HDAC9: variants seen among roughly 807,000 people sequenced by gnomAD.
HDAC9 encodes the protein histone deacetylase 9, also known as MEF-2 interacting transcription repressor (MITR) protein.
A neutral mutation model predicts 139.4 loss-of-function variants in HDAC9; 41 were observed. That is an observed-to-expected ratio of 0.29 (90% CI 0.23 to 0.38). The LOEUF (loss-of-function observed/expected upper bound fraction) is 0.38, where lower values mean the gene tolerates loss of function less well. Among genes scored for constraint, HDAC9 ranks in the 10% least tolerant of loss-of-function variants. The pLI, the probability that HDAC9 is intolerant of heterozygous loss-of-function variation, is 1.00. For synonymous variants in HDAC9, 517 were observed against 476.2 expected, an observed-to-expected ratio of 1.09 and a Z score of -1.12; for missense variants, 1,147 against 1,297.0, an observed-to-expected ratio of 0.88 and a Z score of 1.78.
chr7:18,229,934 A>G lies in HDAC9; in HGVS notation c.25+67585A>G, dbSNP rs567990456. ...TATTTAACTGTTTCTACAAGTCATC[A>G]TAATAAATGTTATTTCTAATGAACA... On this transcript the variant is annotated intron_variant, in intron 2 of 12. Coordinates refer to the HDAC9 transcript ENST00000417496. Among the ~76,000 whole-genome samples, 6 of 152,330 alleles carry G rather than the reference A, an allele frequency of 3.9e-5. No individual in the cohort carries two copies. In the South Asian group the frequency reaches 1.2e-3, roughly 32 times the overall value.
intron 1 of HDAC9, among the ~76,000 whole-genome samples, chr7:18,291,792 C>T (rs547114043): frequency 6.6e-6 from 1 of 152,216 alleles, no homozygotes; most frequent in Admixed American, 6.5e-5. Context: ...TTGTCTTGCC[C>T]ACCCTCTCAC....
At chr7:18,740,719 G>A (rs1787370358) in intron 13 of HDAC9, among the ~76,000 whole-genome samples, 4 of 152,244 alleles carry the variant, frequency 2.6e-5, no homozygotes, top group African/African-American at 7.2e-5. Context: ...TAAGCTTAGT[G>A]AGGAAGTCAT....
At chr7:18,567,285 C>A (rs185489638) in intron 2 of HDAC9, among the ~76,000 whole-genome samples, 2 of 152,144 alleles carry the variant, frequency 1.3e-5, no homozygotes, top group Non-Finnish European at 2.9e-5. Context: ...CTTCTCCCCC[C>A]TAACTGGGCA....
intron 16 of HDAC9, among the ~76,000 whole-genome samples, chr7:18,782,598 G>A (rs1471463338): frequency 6.6e-6 from 1 of 152,016 alleles, no homozygotes; most frequent in Non-Finnish European, 1.5e-5. Context: ...AAAACATGTA[G>A]CTTTCTGATT....
chr7:18,280,840 T>A (rs1239268916), intron 2 of HDAC9, among the ~76,000 whole-genome samples: 1 of 152,186 alleles, frequency 6.6e-6, no homozygotes, highest in Non-Finnish European at 1.5e-5. Context: ...AATATTGTTA[T>A]GACTTCTTCT....
Position 18,996,378 on chromosome 7 carries a change from GT to G in HDAC9, c.*317del, listed in dbSNP as rs1200443931. The G allele has an allele frequency of 1.6e-5, 4 of 252,908 alleles. No homozygotes were observed. The highest frequency in any genetic ancestry group is 6.7e-5 in the African/African-American group (3 of 44,912). The allele number at this position is 252,908 out of a possible 1,614,324, so 15.7% of individuals were successfully genotyped here. The stretch of plus-strand genomic sequence containing the variant: ...ACCAAGTTTGAACTAGAAACATTCA[GT>G]ACAGCACTAGATATTGTTAATTTCA... On this transcript the variant is annotated 3_prime_UTR_variant, in exon 26 of 26. Coordinates refer to ENST00000686413, the MANE Select transcript of HDAC9 (RefSeq NM_178425.4).
At position 18,983,107 on chromosome 7, in the gene HDAC9, C is replaced by T. The variant is rs550580045; in HGVS notation, c.3170+7154C>T. On this transcript the variant is annotated intron_variant, in intron 25 of 25. Transcript: ENST00000686413. ...CCATTGACCAGCTCCTTCATCTTCCCGCCTCATCCTTCCAGCCCCTATCAA... is the reference window on the plus strand; with the variant it reads ...CCATTGACCAGCTCCTTCATCTTCCTGCCTCATCCTTCCAGCCCCTATCAA... 7.9e-5 allele frequency among the ~76,000 whole-genome samples: 12 copies of T among 152,228 alleles called. No homozygotes were observed. The East Asian group carries it at 2.1e-3, about 27-fold the overall frequency.
At chr7:18,922,867 AAC>A (rs555444034) in intron 22 of HDAC9, among the ~76,000 whole-genome samples, 152 of 152,206 alleles carry the variant, frequency 1.0e-3, no homozygotes, top group Non-Finnish European at 1.9e-3. Context: ...CTAAGCAGTT[AAC>A]ATTTTTATGG....
In HDAC9 at chr7:18,643,739, G is replaced by T. The variant is rs770811741; in HGVS notation, c.913-932G>T. Among the ~76,000 whole-genome samples, 11 of 152,162 alleles carry T rather than the reference G, an allele frequency of 7.2e-5. No individual in the cohort carries two copies. The South Asian group carries it at 2.1e-3, about 29-fold the overall frequency. ...GTGTGCAATATCCCTCTTGGAGGTG[G>T]TCTATTATTGGAGTCCCATATGCTT... On this transcript the variant is annotated intron_variant, in intron 8 of 25. Transcript: ENST00000686413.
intron 1 of HDAC9, among the ~76,000 whole-genome samples, chr7:18,379,011 TA>T (rs757454485): frequency 6.6e-6 from 1 of 152,122 alleles, no homozygotes. Context: ...GATTTATACC[TA>T]AAAAAATCAT....
At chr7:18,369,574 G>A (rs986751294) in intron 1 of HDAC9, among the ~76,000 whole-genome samples, 2 of 151,554 alleles carry the variant, frequency 1.3e-5, no homozygotes, top group African/African-American at 4.9e-5. Context: ...CTTGATATCT[G>A]GGCTTTATTT....
intron 1 of HDAC9, among the ~76,000 whole-genome samples, chr7:18,388,170 C>T (rs1358524617): frequency 2.6e-5 from 4 of 152,172 alleles, no homozygotes; most frequent in African/African-American, 9.7e-5. Flanking sequence ...AAAAAACACC[C>T]TGCTATATTT....
intron 14 of HDAC9, among the ~76,000 whole-genome samples, chr7:18,757,911 C>A (rs1789025371): frequency 6.6e-6 from 1 of 152,096 alleles, no homozygotes; most frequent in African/African-American, 2.4e-5. Flanking sequence ...ATGATATGGT[C>A]ATTTTAAATA....
At chr7:18,146,197 A>G (rs951880224) in intron 1 of HDAC9, among the ~76,000 whole-genome samples, 5 of 152,202 alleles carry the variant, frequency 3.3e-5, no homozygotes, top group African/African-American at 9.6e-5. Context: ...TTTGATTATA[A>G]CTTAATGTCT....
At chr7:18,227,061 C>T (rs1793103458) in intron 2 of HDAC9, among the ~76,000 whole-genome samples, 1 of 151,892 alleles carries the variant, frequency 6.6e-6, no homozygotes, top group East Asian at 1.9e-4. Context: ...AAATTTTGCC[C>T]TTGAAGAGCA....
At chr7:18,663,495 A>G (rs1258600195) in intron 11 of HDAC9, among the ~76,000 whole-genome samples, 1 of 151,582 alleles carries the variant, frequency 6.6e-6, no homozygotes, top group African/African-American at 2.4e-5. Context: ...CCGACATAGC[A>G]TTTCCTGGAC....
At chr7:18,811,958 C>A (rs775898888) in intron 17 of HDAC9, among the ~76,000 whole-genome samples, 3 of 151,732 alleles carry the variant, frequency 2.0e-5, no homozygotes, top group African/African-American at 7.2e-5. Context: ...TTAAATAGCT[C>A]AAATCCCTTA....
chr7:18,206,358 A>C (rs1029333276), intron 2 of HDAC9, among the ~76,000 whole-genome samples: 1 of 152,220 alleles, frequency 6.6e-6, no homozygotes, highest in Non-Finnish European at 1.5e-5. Context: ...ATATAGAATA[A>C]AGTTTATTTC....
intron 21 of HDAC9, among the ~76,000 whole-genome samples, chr7:18,855,845 G>C (rs1469992970): frequency 6.6e-6 from 1 of 151,990 alleles, no homozygotes; most frequent in African/African-American, 2.4e-5. Context: ...AGAGACTTTT[G>C]CAGTAATGGA....
Sources: allele counts gnomAD v4.1 joint callset (sites outside exome capture counted in the v4.1 genomes callset), GRCh38; gene constraint gnomAD v4.1.1; transcripts MANE v1.5; gene names NCBI Gene and HGNC (gene_info 2026-07-23, HGNC 2026-07-21).